The following RNF19A variants were observed in gnomAD, a reference collection of about 807,000 sequenced individuals.
The protein encoded by RNF19A is ring finger protein 19A, RBR E3 ubiquitin protein ligase.
In RNF19A, 32 loss-of-function variants were observed where a neutral mutation model predicts 75.7. That is an observed-to-expected ratio of 0.42 (90% CI 0.32 to 0.57). The LOEUF is 0.57. Among genes scored for constraint, RNF19A ranks in the 20% least tolerant of loss-of-function variants. The probability of loss-of-function intolerance (pLI) is 0.10; values close to 1 mark genes in which losing one functional copy is unlikely to be tolerated. For missense variants in RNF19A, 782 were observed against 1,036.3 expected (o/e 0.75, Z 3.37); for synonymous variants, 335 against 345.2 (o/e 0.97, Z 0.33).
chr8:100,320,683 A>G (rs139522288), intron 1 of RNF19A, among the ~76,000 whole-genome samples: 55 of 152,344 alleles, frequency 3.6e-4, no homozygotes, highest in Middle Eastern at 3.4e-3. Context: ...TAATAAAAAT[A>G]CCTTCTTCAT....
chr8:100,273,124 C>T (rs891612863), intron 3 of RNF19A, among the ~76,000 whole-genome samples: 15 of 152,172 alleles, frequency 9.9e-5, no homozygotes, highest in African/African-American at 3.4e-4. Context: ...GCCTTGGCCT[C>T]CCAAAGTGCT....
At chr8:100,295,931 GTTATTT>G (rs1586664403) in intron 1 of RNF19A, among the ~76,000 whole-genome samples, 1 of 152,068 alleles carries the variant, frequency 6.6e-6, no homozygotes, top group Non-Finnish European at 1.5e-5. Flanking sequence ...ACATTTAAAT[GTTATTT>G]TTAAGTTATG....
At chr8:100,298,769 T>C (rs1391070909) in intron 1 of RNF19A, among the ~76,000 whole-genome samples, 1 of 152,200 alleles carries the variant, frequency 6.6e-6, no homozygotes, top group African/African-American at 2.4e-5. Context: ...CTCAAGTTAT[T>C]ACAAAAAGTA....
intron 1 of RNF19A, among the ~76,000 whole-genome samples, chr8:100,288,877 A>G (rs1821157122): frequency 6.6e-6 from 1 of 152,094 alleles, no homozygotes; most frequent in African/African-American, 2.4e-5. Flanking sequence ...TGGATAACAC[A>G]GTGAAACCCT....
rs1331116961 is a variant in RNF19A, at chr8:100,269,849, A to AG, written c.1028+19dup. The AG allele has an allele frequency of 6.4e-7, 1 of 1,551,996 alleles. No homozygotes were observed. The highest frequency in any genetic ancestry group is 2.0e-5 in the Admixed American group (1 of 49,420). On this transcript the variant is annotated intron_variant, in intron 4 of 9. Transcript: ENST00000341084. This position sits in a 1 kb window ranked among gnomAD's most constrained non-coding sequence, Gnocchi z 5.7. Reference sequence around the variant, plus strand: ...TATAAAATTACATTTACATATAAATAGCTCCTTCTATAAGCTTACCTTAGA... The same window carrying AG: ...TATAAAATTACATTTACATATAAATAGGCTCCTTCTATAAGCTTACCTTAGA...
Position 100,275,279 on chromosome 8 carries a change from C to T in RNF19A, c.675-118G>A. 1 of 754,236 alleles carries T rather than the reference C, an allele frequency of 1.3e-6. No individual in the cohort carries two copies. Among genetic ancestry groups the T allele is most frequent in the African/African-American group, 1.8e-5 (1 of 56,992 alleles). 46.7% of individuals were successfully genotyped at this position (754,236 alleles called of 1,614,324 possible). On this transcript the variant is annotated intron_variant, in intron 2 of 9. Transcript: ENST00000341084. This position sits in a 1 kb window ranked among gnomAD's most constrained non-coding sequence, Gnocchi z 4.3. The stretch of plus-strand genomic sequence containing the variant: ...CATTTTCTATTTATACATTAGCAAA[C>T]AGTCATAAGCACAATCTCACCAATA...
At position 100,259,132 on chromosome 8, in the gene RNF19A, G is replaced by A. The variant is rs1057265546; in HGVS notation, c.1941C>T (p.Gly647=). ...DDGSATRSHA[G]GSSSGLPEGK... ...CTTCAGGCAAGCCACTGGATGAACC[G>A]CCAGCATGACTTCGGGTGGCACTGC... Residue 647 remains glycine, a synonymous_variant, in exon 10 of 10, where the codon GGC becomes GGT. Transcript: ENST00000341084. The surrounding 1 kb of genome is among the most constrained non-coding windows in gnomAD (Gnocchi z 4.5). 4.3e-6 allele frequency: 7 copies of A among 1,614,018 alleles called. No individual in the cohort carries two copies. The highest frequency in any genetic ancestry group is 2.7e-5 in the African/African-American group (2 of 74,910).
intron 1 of RNF19A, among the ~76,000 whole-genome samples, chr8:100,304,789 TCTATC>T (rs1821998147): frequency 6.6e-6 from 1 of 152,194 alleles, no homozygotes; most frequent in South Asian, 2.1e-4. Flanking sequence ...CATGGGAACT[TCTATC>T]CTGTTTTTTA....
chr8:100,287,736 T>C lies in RNF19A; in HGVS notation c.439A>G (p.Ile147Val). The C allele has an allele frequency of 6.2e-7, 1 of 1,614,158 alleles. No homozygotes were observed. The highest frequency in any genetic ancestry group is 1.1e-5 in the South Asian group (1 of 91,086). The change falls in exon 2 of 10, where the codon ATA (isoleucine) becomes GTA (valine). Residue 147 changes from isoleucine (I) to valine (V), a missense_variant. By Grantham distance (29) the Ile-to-Val change is conservative. This residue lies in a region of RNF19A where 85 missense variants were observed against 177.7 expected (regional missense o/e 0.48). Transcript: ENST00000341084. This position sits in a 1 kb window ranked among gnomAD's most constrained non-coding sequence, Gnocchi z 4.1. ...LRHSKDRFPD[I>V]MTCHHRSCVD... ...CAAGATCTGTGATGACAAGTCATTA[T>C]ATCAGGAAATCTGTCTTTAGAATGC...
chr8:100,292,390 G>A (rs1242087271), intron 1 of RNF19A, among the ~76,000 whole-genome samples: 3 of 150,822 alleles, frequency 2.0e-5, no homozygotes, highest in Non-Finnish European at 4.4e-5. Context: ...CCTTACTGAT[G>A]TGTAAGACAT....
intron 1 of RNF19A, among the ~76,000 whole-genome samples, chr8:100,295,296 T>G (rs934047757): frequency 6.6e-6 from 1 of 152,212 alleles, no homozygotes; most frequent in African/African-American, 2.4e-5. Flanking sequence ...TTCTTCCTAG[T>G]AGACTTTAGA....
At chr8:100,298,294 T>C (rs1821667134) in intron 1 of RNF19A, among the ~76,000 whole-genome samples, 1 of 152,112 alleles carries the variant, frequency 6.6e-6, no homozygotes, top group Non-Finnish European at 1.5e-5. Context: ...ACTTGGAAGT[T>C]TGGAATACAT....
intron 1 of RNF19A, among the ~76,000 whole-genome samples, chr8:100,308,557 A>G (rs1255896907): frequency 6.6e-6 from 1 of 152,244 alleles, no homozygotes. Context: ...TAAAATGTGT[A>G]TTAAGACGGG....
At chr8:100,288,835 C>T (rs1242770988) in intron 1 of RNF19A, among the ~76,000 whole-genome samples, 7 of 151,876 alleles carry the variant, frequency 4.6e-5, no homozygotes, top group East Asian at 1.9e-4. Context: ...CCAGGATGGG[C>T]GGATCACAAG....
intron 1 of RNF19A, among the ~76,000 whole-genome samples, chr8:100,307,708 G>A (rs1822117259): frequency 6.6e-6 from 1 of 151,992 alleles, no homozygotes; most frequent in South Asian, 2.1e-4. Flanking sequence ...CAATAAAATA[G>A]AGGTGACCCA....
At position 100,275,592 on chromosome 8, in the gene RNF19A, C is replaced by T. The variant is rs543190724; in HGVS notation, c.675-431G>A. On this transcript the variant is annotated intron_variant, in intron 2 of 9. Transcript: ENST00000341084. The surrounding 1 kb of genome is among the most constrained non-coding windows in gnomAD (Gnocchi z 4.3). ...AGTAGGATACCAAATTGCATTTAGC[C>T]TAATCTCAATTTTATAAAAAACCAT... is the stretch of plus-strand genomic sequence containing the variant. Among the ~76,000 whole-genome samples, 4 of 151,438 alleles carry T rather than the reference C, an allele frequency of 2.6e-5. No individual in the cohort carries two copies. Among genetic ancestry groups the T allele is most frequent in the African/African-American group, 7.3e-5 (3 of 41,276 alleles).
upstream of RNF19A, chr8:100,310,340 G>A (rs919102480): frequency 2.7e-6 from 2 of 732,884 alleles, no homozygotes; most frequent in African/African-American, 3.8e-5. Flanking sequence ...GCCTGTCCCT[G>A]GCGGAGGGGA....
intron 3 of RNF19A, among the ~76,000 whole-genome samples, chr8:100,273,859 T>C (rs1020293745): frequency 6.6e-6 from 1 of 152,200 alleles, no homozygotes; most frequent in Non-Finnish European, 1.5e-5. Flanking sequence ...CTCGGCTCAC[T>C]GCAACCTCTG....
chr8:100,299,482 G>A (rs140245860), intron 1 of RNF19A, among the ~76,000 whole-genome samples: 7 of 152,168 alleles, frequency 4.6e-5, no homozygotes, highest in African/African-American at 7.2e-5. Flanking sequence ...TGTTTGGACC[G>A]GGTGCGGTGG....
Sources: gnomAD v4.1 joint callset for allele counts (sites outside exome capture counted in the v4.1 genomes callset) on GRCh38, gnomAD v4.1.1 for gene constraint, gnomAD v4.1.1 regional missense constraint, Gnocchi (gnomAD v3.1) non-coding constraint, MANE v1.5 for transcripts, NCBI Gene and HGNC (gene_info 2026-07-23, HGNC 2026-07-21) for gene names.